Variants in CCDC6 observed in about 807,000 individuals in gnomAD.
CCDC6 encodes coiled-coil domain containing 6, also known as coiled-coil domain-containing protein 6.
A neutral mutation model predicts 56.6 loss-of-function variants in CCDC6; 20 were observed. The ratio of observed to expected loss-of-function variants is 0.35; its 90% CI spans 0.25 to 0.51. CCDC6 has a LOEUF of 0.51. Ranked by LOEUF, CCDC6 falls within the 20% of genes least tolerant of loss-of-function variation. CCDC6 has a pLI of 0.95. For synonymous variants in CCDC6, 241 were observed against 234.4 expected (o/e 1.03, Z -0.26); for missense variants, 367 against 601.1 (o/e 0.61, Z 4.07).
intron 1 of CCDC6, among the ~76,000 whole-genome samples, chr10:59,874,007 A>G (rs142409200): frequency 3.6e-4 from 55 of 152,306 alleles, no homozygotes; most frequent in African/African-American, 1.3e-3. Context: ...TGCAAAATCA[A>G]CCATGGTCAG....
intron 1 of CCDC6, among the ~76,000 whole-genome samples, chr10:59,864,262 ATTCT>A (rs1235980205): frequency 1.3e-5 from 2 of 152,204 alleles, no homozygotes; most frequent in African/African-American, 4.8e-5. Flanking sequence ...TCCTCTCAGA[ATTCT>A]TTATCACCTA....
intron 1 of CCDC6, among the ~76,000 whole-genome samples, chr10:59,905,259 C>T (rs2071534295): frequency 6.6e-6 from 1 of 152,112 alleles, no homozygotes; most frequent in Admixed American, 6.5e-5. Flanking sequence ...GACCTACAGA[C>T]CCAAGCTTAC....
intron 5 of CCDC6, among the ~76,000 whole-genome samples, chr10:59,807,816 C>T (rs2070639213): frequency 1.3e-5 from 2 of 152,134 alleles, no homozygotes; most frequent in Admixed American, 1.3e-4. Context: ...CTCTCAACTC[C>T]AGACACAGCA....
intron 3 of CCDC6, among the ~76,000 whole-genome samples, chr10:59,819,009 T>A (rs377518745): frequency 2.0e-5 from 3 of 152,290 alleles, no homozygotes; most frequent in African/African-American, 7.2e-5. Context: ...ACTCACTGAT[T>A]CACTAAAAAT....
chr10:59,871,468 TAAAAAAAAA>T (rs138741485), intron 1 of CCDC6, among the ~76,000 whole-genome samples: 1 of 98,480 alleles, frequency 1.0e-5, no homozygotes, highest in African/African-American at 4.1e-5. Context: ...TAATACTCAT[TAAAAAAAAA>T]AAAAAAAAAA....
intron 1 of CCDC6, among the ~76,000 whole-genome samples, chr10:59,882,093 CGG>C (rs67151745): frequency 0.29 from 9,682 of 33,728 alleles, 95 homozygotes; most frequent in East Asian, 0.43. Context: ...AAAGGAAAGC[CGG>C]GGGGAGAAGG....
chr10:59,831,727 C>G (rs988540041), intron 3 of CCDC6, among the ~76,000 whole-genome samples: 1 of 152,138 alleles, frequency 6.6e-6, no homozygotes, highest in Non-Finnish European at 1.5e-5. Flanking sequence ...CGGGGAACAC[C>G]GAGGCTAGCA....
intron 1 of CCDC6, among the ~76,000 whole-genome samples, chr10:59,862,560 T>C (rs367978878): frequency 0.03 from 2,593 of 85,990 alleles, 90 homozygotes; most frequent in Middle Eastern, 0.058. Context: ...CACACACATA[T>C]ATATACACAT....
intron 1 of CCDC6, among the ~76,000 whole-genome samples, chr10:59,866,992 C>T (rs989951439): frequency 3.3e-5 from 5 of 152,204 alleles, no homozygotes; most frequent in African/African-American, 1.2e-4. Context: ...CCACTTTCTG[C>T]TATCGCTGCC....
intron 1 of CCDC6, among the ~76,000 whole-genome samples, chr10:59,860,461 C>T (rs1318938854): frequency 1.3e-5 from 2 of 152,064 alleles, no homozygotes; most frequent in Non-Finnish European, 2.9e-5. Flanking sequence ...AGATCTAAAC[C>T]ACCAATGGTA....
intron 1 of CCDC6, among the ~76,000 whole-genome samples, chr10:59,855,103 T>C (rs1417227169): frequency 6.6e-6 from 1 of 152,190 alleles, no homozygotes; most frequent in Non-Finnish European, 1.5e-5. Flanking sequence ...CACAGGGGCC[T>C]AGAAGTGATA....
intron 1 of CCDC6, among the ~76,000 whole-genome samples, chr10:59,883,681 C>T (rs1044537907): frequency 5.9e-5 from 9 of 152,134 alleles, no homozygotes; most frequent in Non-Finnish European, 1.2e-4. Flanking sequence ...GTTGGTTTCA[C>T]GTACACAAAT....
chr10:59,890,045 C>G (rs1589063250), intron 1 of CCDC6, among the ~76,000 whole-genome samples: 1 of 152,300 alleles, frequency 6.6e-6, no homozygotes, highest in South Asian at 2.1e-4. Flanking sequence ...GCAAGCTGCC[C>G]TTCTGCAAAC....
chr10:59,863,275 C>T (rs1315553242), intron 1 of CCDC6, among the ~76,000 whole-genome samples: 3 of 152,168 alleles, frequency 2.0e-5, no homozygotes, highest in Non-Finnish European at 1.5e-5. Flanking sequence ...CTCATTTTGT[C>T]ATGCTTTATA....
rs1051070211 is a variant in CCDC6 at position 59,792,267 on chromosome 10, G to C, written c.*650C>G. 9.3e-6 allele frequency: 3 copies of C among 323,086 alleles called. No individual in the cohort carries two copies. The East Asian group carries it at 1.5e-4, about 16-fold the overall frequency. 20.0% of individuals were successfully genotyped at this position (323,086 alleles called of 1,614,324 possible). A position where few individuals can be genotyped will look rare whatever the true frequency, so the allele number is the denominator to read the frequency against. ...TATCCATCCCATTTATGTGGAGAAGGTACAGCCACATGATTCATTACTTTG... is the reference window on the plus strand; with the variant it reads ...TATCCATCCCATTTATGTGGAGAAGCTACAGCCACATGATTCATTACTTTG... On this transcript the variant is annotated 3_prime_UTR_variant, in exon 9 of 9. Coordinates refer to ENST00000263102, the MANE Select transcript of CCDC6 (RefSeq NM_005436.5).
In CCDC6 at chr10:59,884,614, G is replaced by A. The variant is rs534719984; in HGVS notation, c.303+21508C>T. 2.0e-5 allele frequency among the ~76,000 whole-genome samples: 3 copies of A among 151,826 alleles called. No homozygotes were observed. In the South Asian group the frequency reaches 6.2e-4, roughly 32 times the overall value. On this transcript the variant is annotated intron_variant, in intron 1 of 8. Coordinates refer to ENST00000263102, the MANE Select transcript of CCDC6 (RefSeq NM_005436.5). ...AAAGAATGGGGCAATTCTATACCCA[G>A]TGCTGGGGATAAAACTCATGAGATG...
intron 1 of CCDC6, among the ~76,000 whole-genome samples, chr10:59,885,472 C>T (rs933794030): frequency 1.4e-4 from 22 of 152,096 alleles, no homozygotes; most frequent in African/African-American, 4.8e-4. Context: ...CAACATTACC[C>T]CTTGAATTAA....
At chr10:59,867,101 A>G (rs1194973383) in intron 1 of CCDC6, among the ~76,000 whole-genome samples, 1 of 152,228 alleles carries the variant, frequency 6.6e-6, no homozygotes, top group Non-Finnish European at 1.5e-5. Context: ...TAAATGCACC[A>G]GAGAGCAACA....
At chr10:59,863,872 T>TA (rs1301808831) in intron 1 of CCDC6, among the ~76,000 whole-genome samples, 1 of 152,156 alleles carries the variant, frequency 6.6e-6, no homozygotes, top group Admixed American at 6.5e-5. Context: ...CAATTCACTG[T>TA]AAAAAATGGG....
Sources: allele counts gnomAD v4.1 joint callset (sites outside exome capture counted in the v4.1 genomes callset), GRCh38; gene constraint gnomAD v4.1.1; transcripts MANE v1.5; gene names NCBI Gene and HGNC (gene_info 2026-07-23, HGNC 2026-07-21).